Variants in SVIL observed in about 807,000 individuals in gnomAD.
SVIL encodes archvillin.
In SVIL, 101 loss-of-function variants were observed where a neutral mutation model predicts 240.4. The observed-to-expected ratio is 0.42, with a 90% CI of 0.36 to 0.50. The LOEUF is 0.50. SVIL is among the 20% of genes least tolerant of loss of function. SVIL has a pLI of 0.01. For missense variants in SVIL, 2,512 were observed against 2,818.7 expected, an observed-to-expected ratio of 0.89 and a Z score of 2.46; for synonymous variants, 999 against 1,100.0, an observed-to-expected ratio of 0.91 and a Z score of 1.82.
intron 2 of SVIL, among the ~76,000 whole-genome samples, chr10:29,677,280 G>A (rs917099369): frequency 6.6e-6 from 1 of 152,108 alleles, no homozygotes; most frequent in African/African-American, 2.4e-5. Flanking sequence ...CAATGTGAAC[G>A]ATGCTGGAAG....
intron 6 of SVIL, among the ~76,000 whole-genome samples, 187 bp downstream of exon 6, chr10:29,550,410 C>T (rs1322367648): frequency 6.6e-6 from 1 of 151,206 alleles, no homozygotes; most frequent in Non-Finnish European, 1.5e-5. Flanking sequence ...CCACTGCCCT[C>T]CAGCCTGGGC....
chr10:29,718,682 A>T (rs760542381), intron 1 of SVIL, among the ~76,000 whole-genome samples: 1 of 152,112 alleles, frequency 6.6e-6, no homozygotes, highest in Non-Finnish European at 1.5e-5. Flanking sequence ...AAGTCCAGAG[A>T]TTTATCTTTG....
At chr10:29,560,047 A>G (rs1295424998) in intron 3 of SVIL, among the ~76,000 whole-genome samples, 1 of 152,212 alleles carries the variant, frequency 6.6e-6, no homozygotes, top group Non-Finnish European at 1.5e-5. Flanking sequence ...CCAAAGAAAT[A>G]TAAGTGGCAG....
intron 1 of SVIL, among the ~76,000 whole-genome samples, chr10:29,728,474 T>C (rs1374352501): frequency 6.6e-6 from 1 of 152,182 alleles, no homozygotes; most frequent in Non-Finnish European, 1.5e-5. Flanking sequence ...GGGTATTCAA[T>C]ATCATTATTA....
intron 5 of SVIL, among the ~76,000 whole-genome samples, chr10:29,554,463 G>C (rs1184505134): frequency 6.6e-6 from 1 of 152,056 alleles, no homozygotes; most frequent in Non-Finnish European, 1.5e-5. Flanking sequence ...CTGGGCAACA[G>C]TGAGACTCTG....
At chr10:29,524,829 C>T (rs1950791293) in intron 13 of SVIL, 114 bp from the exon 14 acceptor site, 1 of 1,522,336 alleles carries the variant, frequency 6.6e-7, no homozygotes, top group South Asian at 1.3e-5. Flanking sequence ...GCTTCTTTTT[C>T]CCTAAGCACG....
At chr10:29,679,883 G>A (rs1148207) in intron 2 of SVIL, among the ~76,000 whole-genome samples, 89,835 of 148,244 alleles carry the variant, frequency 0.61, 26,966 homozygotes, top group East Asian at 0.83. Flanking sequence ...TCTAAAATTA[G>A]AAAAAAAAAA....
rs970671515 is a variant in SVIL, at chr10:29,634,661, G to A, written c.-442C>T. ...AGCGTTGTACAAAATCAAAGATCAC[G>A]ATGTCAGCAAGCAACTGCATCTATC... On this transcript the variant is annotated 5_prime_UTR_variant, in exon 1 of 38. Coordinates refer to ENST00000355867, the MANE Select transcript of SVIL (RefSeq NM_021738.3). 6.6e-6 allele frequency: 1 copy of A among 152,066 alleles called. No homozygotes were observed. The highest frequency in any genetic ancestry group is 2.4e-5 in the African/African-American group (1 of 41,396). 9.4% of individuals were successfully genotyped at this position (152,066 alleles called of 1,614,324 possible). A position where few individuals can be genotyped will look rare whatever the true frequency, so the allele number is the denominator to read the frequency against.
chr10:29,462,512 A>G, intron 35 of SVIL, 111 bp from the exon 36 acceptor site: 1 of 1,434,142 alleles, frequency 7.0e-7, no homozygotes, highest in South Asian at 1.4e-5. Flanking sequence ...CATGCTTAAA[A>G]TGCAAGTTAC....
At chr10:29,481,133 GGTGTGTGTGTGTGTGTGTGTGTGT>G (rs57479630) in intron 28 of SVIL, among the ~76,000 whole-genome samples, 1 of 141,402 alleles carries the variant, frequency 7.1e-6, no homozygotes, top group East Asian at 2.1e-4. Context: ...TAGCTTTAAG[GGTGTGTGTGTGTGTGTGTGTGTGT>G]GTGTGTGTGT....
At chr10:29,514,920 G>A (rs145352803) in intron 16 of SVIL, among the ~76,000 whole-genome samples, 2,014 of 152,264 alleles carry the variant, frequency 0.013, 56 homozygotes, top group African/African-American at 0.046. Context: ...ACTTAAACAA[G>A]AATCCGGCGA....
intron 28 of SVIL, 129 bp from the exon 29 acceptor site, chr10:29,480,942 T>C: frequency 8.7e-7 from 1 of 1,144,202 alleles, no homozygotes; most frequent in Non-Finnish European, 1.2e-6. Flanking sequence ...TCTCAGGATG[T>C]TTAACTGCAG....
chr10:29,554,667 T>C, intron 5 of SVIL, 116 bp downstream of exon 5: 1 of 1,292,564 alleles, frequency 7.7e-7, no homozygotes, highest in East Asian at 2.7e-5. Context: ...AAAAATTATA[T>C]CCACACAATT....
At chr10:29,571,838 G>C (rs1385998911) in intron 1 of SVIL, among the ~76,000 whole-genome samples, 1 of 152,194 alleles carries the variant, frequency 6.6e-6, no homozygotes, top group South Asian at 2.1e-4. Flanking sequence ...AGGGCTAGAC[G>C]AGTAGCTTGC....
intron 1 of SVIL, among the ~76,000 whole-genome samples, chr10:29,576,671 A>T (rs1019404753): frequency 3.3e-5 from 5 of 152,066 alleles, no homozygotes; most frequent in African/African-American, 1.2e-4. Flanking sequence ...CATCCTCCTG[A>T]GTCTCCAGAA....
intron 3 of SVIL, among the ~76,000 whole-genome samples, chr10:29,650,131 G>A (rs1261243766): frequency 1.3e-5 from 2 of 152,196 alleles, no homozygotes; most frequent in Non-Finnish European, 2.9e-5. Flanking sequence ...ATGGCAGCAC[G>A]AAGTGGACTT....
At chr10:29,736,832 A>G (rs1010683679), upstream of SVIL, 1 of 151,628 alleles carries the variant, frequency 6.6e-6, no homozygotes, top group Middle Eastern at 3.3e-3. Context: ...GGGCCCCGGG[A>G]AAGTCGGCCA....
In SVIL at chr10:29,533,157, G is replaced by C; in HGVS notation, c.1210C>G (p.Pro404Ala). 1 of 1,614,146 alleles carries C rather than the reference G, an allele frequency of 6.2e-7. No homozygotes were observed. The change falls in exon 8 of 38, where the codon CCT becomes GCT. Residue 404 changes from proline to alanine, a missense_variant. By Grantham distance (27) the Pro-to-Ala change is conservative (BLOSUM62 -1). Around this residue, in one of 3 missense-constraint regions of SVIL, gnomAD observed 1,443 missense variants for 1,486.6 expected, o/e 0.97. Transcript: ENST00000355867. ...VASATQNVPK[P>A]PSLTVLEGDG... The stretch of plus-strand genomic sequence containing the variant: ...CCTTCTAGAACCGTCAAGCTGGGAG[G>C]TTTGGGGACATTCTGGGTGGCTGAT...
At chr10:29,478,233 G>A (rs1946417680) in intron 29 of SVIL, among the ~76,000 whole-genome samples, 2 of 152,338 alleles carry the variant, frequency 1.3e-5, no homozygotes, top group South Asian at 4.1e-4. Context: ...CTGCACAAAA[G>A]CAAAAGCGTA....
Sources: allele counts gnomAD v4.1 joint callset (sites outside exome capture counted in the v4.1 genomes callset), GRCh38; gene constraint gnomAD v4.1.1; regional missense constraint gnomAD v4.1.1; transcripts MANE v1.5; gene names NCBI Gene and HGNC (gene_info 2026-07-23, HGNC 2026-07-21).